Variants in GALNT14 observed in about 807,000 individuals in gnomAD.
The protein encoded by GALNT14 is polypeptide N-acetylgalactosaminyltransferase 14.
A neutral mutation model predicts 77.5 loss-of-function variants in GALNT14; 60 were observed. The observed-to-expected ratio is 0.77, with a 90% CI of 0.63 to 0.96. GALNT14 has a LOEUF of 0.96. Ranked by LOEUF, GALNT14 falls within the 40% of genes least tolerant of loss-of-function variation. GALNT14 has a pLI of 0.00. For missense variants in GALNT14, 710 were observed against 731.0 expected, an observed-to-expected ratio of 0.97 and a Z score of 0.33; for synonymous variants, 280 against 281.7, an observed-to-expected ratio of 0.99 and a Z score of 0.06.
chr2:31,107,389 C>A (rs1677611119), intron 1 of GALNT14, among the ~76,000 whole-genome samples: 1 of 152,178 alleles, frequency 6.6e-6, no homozygotes, highest in South Asian at 2.1e-4. Context: ...ACCTCTACTT[C>A]CCCCTCATGG....
rs142328687 is a variant in GALNT14, at chr2:31,110,982, A to G, written c.129+26976T>C. Among the ~76,000 whole-genome samples the G allele has an allele frequency of 9.7e-4, 148 of 152,280 alleles. 1 individual carries two copies. The highest frequency in any genetic ancestry group is 5.2e-3 in the South Asian group (25 of 4,820). ...AGTCAAGTATTCTGGTCTTCCCTCA[A>G]TCAGGTACCCCACTTGTAAGACAGA... On this transcript the variant is annotated intron_variant, in intron 1 of 14. Coordinates refer to ENST00000349752, the MANE Select transcript of GALNT14 (RefSeq NM_024572.4).
intron 13 of GALNT14, among the ~76,000 whole-genome samples, chr2:30,920,010 T>A (rs1288681650): frequency 6.6e-6 from 1 of 152,144 alleles, no homozygotes; most frequent in Non-Finnish European, 1.5e-5. Context: ...AAGAAGAATC[T>A]CTTGCCACTC....
intron 1 of GALNT14, among the ~76,000 whole-genome samples, chr2:31,026,387 T>A (rs968048539): frequency 6.6e-6 from 1 of 152,212 alleles, no homozygotes; most frequent in African/African-American, 2.4e-5. Context: ...TTACTTTCTG[T>A]CTCCCTTACA....
At chr2:31,071,626 C>G (rs2148563969) in intron 1 of GALNT14, among the ~76,000 whole-genome samples, 1 of 152,236 alleles carries the variant, frequency 6.6e-6, no homozygotes, top group Middle Eastern at 3.4e-3. Flanking sequence ...GCCTGATGAC[C>G]TGGCTCACCT....
At chr2:30,951,211 C>T (rs1229878565) in intron 6 of GALNT14, among the ~76,000 whole-genome samples, 5 of 152,130 alleles carry the variant, frequency 3.3e-5, no homozygotes, top group African/African-American at 1.2e-4. Context: ...ATACACATGC[C>T]ATGGAATAGT....
chr2:31,121,515 C>G (rs1332299859), intron 1 of GALNT14, among the ~76,000 whole-genome samples: 2 of 152,324 alleles, frequency 1.3e-5, no homozygotes, highest in East Asian at 1.9e-4. Flanking sequence ...CTGGGGAAAT[C>G]TGACACACTC....
intron 1 of GALNT14, among the ~76,000 whole-genome samples, chr2:31,101,220 A>G (rs1558569492): frequency 6.6e-6 from 1 of 152,018 alleles, no homozygotes; most frequent in East Asian, 1.9e-4. Context: ...CTAATATAAA[A>G]CCATATATGC....
At chr2:31,092,144 T>A (rs1212529920) in intron 1 of GALNT14, among the ~76,000 whole-genome samples, 1 of 152,128 alleles carries the variant, frequency 6.6e-6, no homozygotes, top group South Asian at 2.1e-4. Context: ...ACCGTTGGCT[T>A]CCCTACTTTT....
intron 9 of GALNT14, among the ~76,000 whole-genome samples, chr2:30,940,002 A>C (rs1573000932): frequency 1.9e-5 from 1 of 51,740 alleles, no homozygotes; most frequent in South Asian, 5.5e-4. Context: ...TAAAATGCCA[A>C]AAAAAAAAAA....
At chr2:30,995,981 C>T (rs1573118844) in intron 1 of GALNT14, among the ~76,000 whole-genome samples, 1 of 152,220 alleles carries the variant, frequency 6.6e-6, no homozygotes, top group South Asian at 2.1e-4. Flanking sequence ...CATGTCGCAG[C>T]TCAAAGACAT....
rs72853891 is a variant in GALNT14 at position 30,927,148 on chromosome 2, C to T, written c.1151+2247G>A. Among the ~76,000 whole-genome samples, 714 of 152,198 alleles carry T rather than the reference C, an allele frequency of 4.7e-3. 11 individuals carry two copies. Among genetic ancestry groups the T allele is most frequent in the African/African-American group, 0.016 (685 of 41,522 alleles). On this transcript the variant is annotated intron_variant, in intron 11 of 14. Transcript: ENST00000349752. ...AAGGAGTGTGGTTCCCAAACTTGTC[C>T]CCATGTTAGAATCACCTGGTGTGGG...
chr2:31,000,935 A>G (rs925869561), intron 1 of GALNT14, among the ~76,000 whole-genome samples: 1 of 152,242 alleles, frequency 6.6e-6, no homozygotes, highest in African/African-American at 2.4e-5. Flanking sequence ...AACTTAAGAT[A>G]TAGTAAGAAA....
the GALNT14 span, among the ~76,000 whole-genome samples, chr2:30,901,646 T>C: frequency 6.6e-6 from 1 of 152,074 alleles, no homozygotes; most frequent in African/African-American, 2.4e-5. Context: ...TATATGATTA[T>C]ATATATGCTC....
At chr2:30,906,320 G>A (rs958949665), downstream of GALNT14, among the ~76,000 whole-genome samples, 5 of 150,318 alleles carry the variant, frequency 3.3e-5, no homozygotes, top group Admixed American at 6.6e-5. Flanking sequence ...CCCATCTCAC[G>A]TGCAGAGACA....
chr2:31,015,817 G>A (rs1316225515), intron 1 of GALNT14, among the ~76,000 whole-genome samples: 1 of 152,188 alleles, frequency 6.6e-6, no homozygotes, highest in African/African-American at 2.4e-5. Context: ...TCAAGGTCAC[G>A]TAAGACAAGG....
At chr2:30,929,351 C>A in intron 11 of GALNT14, 44 bp downstream of exon 11, 1 of 1,492,902 alleles carries the variant, frequency 6.7e-7, no homozygotes. Flanking sequence ...AGGAGCTGGG[C>A]TCTTTTGCAG....
intron 14 of GALNT14, 115 bp from the exon 15 acceptor site, chr2:30,911,174 A>C: frequency 1.9e-5 from 17 of 911,854 alleles, no homozygotes; most frequent in Non-Finnish European, 2.7e-5. Flanking sequence ...ACTTGATTTC[A>C]TGGTTTCATA....
chr2:31,053,879 C>T (rs1288605433), intron 1 of GALNT14, among the ~76,000 whole-genome samples: 1 of 152,208 alleles, frequency 6.6e-6, no homozygotes, highest in East Asian at 1.9e-4. Context: ...CTGATCAAGG[C>T]TGGTAAGACC....
At chr2:30,932,291 G>T in intron 9 of GALNT14, 97 bp from the exon 10 acceptor site, 2 of 1,187,934 alleles carry the variant, frequency 1.7e-6, no homozygotes, top group Non-Finnish European at 2.2e-6. Context: ...CCGCAGAGGC[G>T]AAAGAACAGA....
Sources: gnomAD v4.1 joint callset for allele counts (sites outside exome capture counted in the v4.1 genomes callset) on GRCh38, gnomAD v4.1.1 for gene constraint, MANE v1.5 for transcripts, NCBI Gene and HGNC (gene_info 2026-07-23, HGNC 2026-07-21) for gene names.